The following KIF26B variants were observed in gnomAD, a reference collection of about 807,000 sequenced individuals.
KIF26B encodes the protein kinesin-like protein KIF26B.
A neutral mutation model predicts 151.2 loss-of-function variants in KIF26B; 63 were observed. The observed-to-expected ratio is 0.42, with a 90% CI of 0.34 to 0.51. The LOEUF (loss-of-function observed/expected upper bound fraction) is 0.51, where lower values mean the gene tolerates loss of function less well. Ranked by LOEUF, KIF26B falls within the 20% of genes least tolerant of loss-of-function variation. The pLI, the probability that KIF26B is intolerant of heterozygous loss-of-function variation, is 0.07. For missense variants in KIF26B, 2,813 were observed against 2,913.6 expected (o/e 0.97, Z 0.79); for synonymous variants, 1,357 against 1,262.1 (o/e 1.08, Z -1.59).
At chr1:245,483,175 G>A (rs936385388) in intron 4 of KIF26B, among the ~76,000 whole-genome samples, 1 of 151,794 alleles carries the variant, frequency 6.6e-6, no homozygotes, top group African/African-American at 2.4e-5. Context: ...TGGAATCCAA[G>A]AGCCTGGTGA....
At chr1:245,661,534 C>A (rs1480526336) in intron 10 of KIF26B, among the ~76,000 whole-genome samples, 1 of 151,530 alleles carries the variant, frequency 6.6e-6, no homozygotes, top group African/African-American at 2.4e-5. Context: ...AATATACACA[C>A]ATACCCAATA....
intron 10 of KIF26B, among the ~76,000 whole-genome samples, chr1:245,649,373 G>A (rs1482733428): frequency 3.9e-5 from 6 of 152,110 alleles, no homozygotes; most frequent in Admixed American, 3.9e-4. Context: ...GCAGACCCAC[G>A]CCCACTTCTC....
intron 3 of KIF26B, among the ~76,000 whole-genome samples, chr1:245,399,498 T>C (rs1027397975): frequency 2.1e-4 from 32 of 152,216 alleles, no homozygotes; most frequent in Admixed American, 2.0e-3. Flanking sequence ...ATCCGACTTA[T>C]TGCCAAGGAG....
At chr1:245,292,863 T>C (rs1428578977) in intron 2 of KIF26B, among the ~76,000 whole-genome samples, 2 of 152,150 alleles carry the variant, frequency 1.3e-5, no homozygotes, top group African/African-American at 4.8e-5. Context: ...TAATGAAACA[T>C]CTGCAGCCAC....
chr1:245,525,773 T>G (rs1375643730), intron 4 of KIF26B, among the ~76,000 whole-genome samples: 2 of 152,204 alleles, frequency 1.3e-5, no homozygotes. Context: ...TAAATATTAT[T>G]TTCTCATAAT....
At chr1:245,203,770 C>G (rs1669347358) in intron 2 of KIF26B, among the ~76,000 whole-genome samples, 1 of 152,248 alleles carries the variant, frequency 6.6e-6, no homozygotes. Flanking sequence ...CTCCTTGTCT[C>G]TGTGCATCCT....
At chr1:245,483,683 C>G (rs1415303657) in intron 4 of KIF26B, among the ~76,000 whole-genome samples, 1 of 151,834 alleles carries the variant, frequency 6.6e-6, no homozygotes, top group East Asian at 1.9e-4. Flanking sequence ...GGGTAGTGAA[C>G]TTGTAACAGC....
At chr1:245,199,809 ATCTG>A (rs1669265775) in intron 2 of KIF26B, among the ~76,000 whole-genome samples, 1 of 97,162 alleles carries the variant, frequency 1.0e-5, no homozygotes, top group Admixed American at 1.3e-4. Context: ...CTACTCATCC[ATCTG>A]TCCATCCATC....
intron 3 of KIF26B, among the ~76,000 whole-genome samples, chr1:245,396,961 C>CT (rs1558150078): frequency 3.2e-3 from 315 of 97,078 alleles, no homozygotes; most frequent in African/African-American, 0.022. Context: ...CATTTCTACT[C>CT]CTTTTTTTTT....
rs561646819 is a variant in KIF26B at position 245,532,285 on chromosome 1, G to A, written c.1167-8482G>A. Among the ~76,000 whole-genome samples, 683 of 128,158 alleles carry A rather than the reference G, an allele frequency of 5.3e-3. 4 individuals are homozygous for A. The highest frequency in any genetic ancestry group is 0.017 in the South Asian group (70 of 4,194). The allele number at this position is 128,158 out of a possible 152,430, so 84.1% of individuals were successfully genotyped here. On this transcript the variant is annotated intron_variant, in intron 4 of 14. Transcript: ENST00000407071. ...TTTTGAGACAGAGTCTTGCTCTGTC[G>A]CCCAGGCTGGAGTGCAGTGGCGCGA...
chr1:245,462,562 G>T (rs1229797893), intron 4 of KIF26B, among the ~76,000 whole-genome samples: 1 of 152,168 alleles, frequency 6.6e-6, no homozygotes, highest in East Asian at 1.9e-4. Context: ...CACAGCAATG[G>T]ATTCCTTTAG....
rs1001886795 is a variant in KIF26B, at chr1:245,540,277, G to A, written c.1167-490G>A. Among the ~76,000 whole-genome samples the A allele has an allele frequency of 6.6e-6, 1 of 152,212 alleles. No homozygotes were observed. Among genetic ancestry groups the A allele is most frequent in the Admixed American group, 6.5e-5 (1 of 15,286 alleles). On this transcript the variant is annotated intron_variant, in intron 4 of 14. Coordinates refer to ENST00000407071, the MANE Select transcript of KIF26B (RefSeq NM_018012.4). The surrounding 1 kb of genome is among the most constrained non-coding windows in gnomAD (Gnocchi z 4.6). ...GATTTTTCCTGTTGCACTGGGGCTT[G>A]TGTTTTTCTTCCAGTGCCCTGTACA...
chr1:245,581,719 A>G (rs923842102), intron 5 of KIF26B, among the ~76,000 whole-genome samples: 2 of 152,152 alleles, frequency 1.3e-5, no homozygotes, highest in Non-Finnish European at 2.9e-5. Flanking sequence ...TGAACTTTGT[A>G]TATCACTTTA....
chr1:245,500,781 A>G (rs943677894), intron 4 of KIF26B, among the ~76,000 whole-genome samples: 3 of 152,224 alleles, frequency 2.0e-5, no homozygotes, highest in Non-Finnish European at 4.4e-5. Context: ...TGATGGCGAG[A>G]TGCTGAATGG....
chr1:245,471,607 C>T (rs761475335), intron 4 of KIF26B, among the ~76,000 whole-genome samples: 4 of 152,064 alleles, frequency 2.6e-5, no homozygotes, highest in East Asian at 1.9e-4. Flanking sequence ...TTAATAAAAA[C>T]GTACTCATGA....
chr1:245,391,995 A>T (rs1673712420), intron 3 of KIF26B, among the ~76,000 whole-genome samples: 1 of 151,966 alleles, frequency 6.6e-6, no homozygotes, highest in Admixed American at 6.6e-5. Context: ...TCGAGAGCAG[A>T]GTTACAGAAC....
intron 2 of KIF26B, among the ~76,000 whole-genome samples, chr1:245,251,331 T>C (rs1670440989): frequency 6.6e-6 from 1 of 152,244 alleles, no homozygotes; most frequent in Non-Finnish European, 1.5e-5. Flanking sequence ...GAGTCAACCT[T>C]GCAGGCAGGT....
At chr1:245,683,195 T>C (rs1469801450) in intron 10 of KIF26B, among the ~76,000 whole-genome samples, 1 of 152,106 alleles carries the variant, frequency 6.6e-6, no homozygotes, top group East Asian at 1.9e-4. Flanking sequence ...GGATAGTCCC[T>C]CTCCAGGGAG....
At chr1:245,690,853 A>C (rs1253103081) in intron 12 of KIF26B, among the ~76,000 whole-genome samples, 1 of 152,220 alleles carries the variant, frequency 6.6e-6, no homozygotes, top group East Asian at 1.9e-4. Flanking sequence ...TTGAAAAGGA[A>C]GAGCCATTCC....
Sources: gnomAD v4.1 joint callset for allele counts (sites outside exome capture counted in the v4.1 genomes callset) on GRCh38, gnomAD v4.1.1 for gene constraint, Gnocchi (gnomAD v3.1) non-coding constraint, MANE v1.5 for transcripts, NCBI Gene and HGNC (gene_info 2026-07-23, HGNC 2026-07-21) for gene names.